The following TMEM132D variants were observed in gnomAD, a reference collection of about 807,000 sequenced individuals.
TMEM132D encodes the protein mature OL transmembrane protein.
In TMEM132D, 21 loss-of-function variants were observed where a neutral mutation model predicts 62.3. That is an observed-to-expected ratio of 0.34 (90% confidence interval 0.24 to 0.49). The LOEUF is 0.49. Ranked by LOEUF, TMEM132D falls within the 20% of genes least tolerant of loss-of-function variation. The pLI is 0.99. For synonymous variants in TMEM132D, 621 were observed against 575.6 expected (o/e 1.08, Z -1.13); for missense variants, 1,346 against 1,402.8 (o/e 0.96, Z 0.65).
chr12:129,090,052 A>G (rs1201908773), intron 5 of TMEM132D, among the ~76,000 whole-genome samples: 2 of 152,212 alleles, frequency 1.3e-5, no homozygotes, highest in African/African-American at 4.8e-5. Flanking sequence ...TTTCACCTTC[A>G]CGATGAGGCA....
At chr12:129,360,972 G>A (rs1362465740) in intron 3 of TMEM132D, among the ~76,000 whole-genome samples, 2 of 152,134 alleles carry the variant, frequency 1.3e-5, no homozygotes, top group Non-Finnish European at 2.9e-5. Context: ...GAATGGGAGC[G>A]CTCTTATCTA....
chr12:129,699,763 C>A (rs113904137), intron 2 of TMEM132D, 47 bp downstream of exon 2: 11 of 1,590,670 alleles, frequency 6.9e-6, no homozygotes, highest in Admixed American at 5.1e-5. Context: ...TGGAAAACAC[C>A]ACCTGATCGA....
intron 1 of TMEM132D, among the ~76,000 whole-genome samples, chr12:129,880,586 T>C (rs1192896726): frequency 6.6e-6 from 1 of 151,944 alleles, no homozygotes; most frequent in Non-Finnish European, 1.5e-5. Flanking sequence ...AAACCAAAAG[T>C]GGGAAAGAGG....
chr12:129,285,917 G>A (rs1881284023), intron 4 of TMEM132D, among the ~76,000 whole-genome samples: 1 of 152,128 alleles, frequency 6.6e-6, no homozygotes, highest in African/African-American at 2.4e-5. Context: ...GTCACAGTGT[G>A]TTGTCGTAAC....
chr12:129,619,376 T>C (rs1453597223), intron 2 of TMEM132D, among the ~76,000 whole-genome samples: 1 of 152,184 alleles, frequency 6.6e-6, no homozygotes, highest in African/African-American at 2.4e-5. Context: ...TTTATCACAC[T>C]GTGATAGCAG....
intron 1 of TMEM132D, among the ~76,000 whole-genome samples, chr12:129,773,256 G>A (rs1056569657): frequency 6.6e-6 from 1 of 152,222 alleles, no homozygotes; most frequent in African/African-American, 2.4e-5. Flanking sequence ...CAGGTGCGAG[G>A]GCGGCGGCAG....
intron 4 of TMEM132D, among the ~76,000 whole-genome samples, chr12:129,211,431 G>C (rs1410038690): frequency 6.6e-6 from 1 of 152,154 alleles, no homozygotes; most frequent in Non-Finnish European, 1.5e-5. Flanking sequence ...GTCATTTTGA[G>C]AGATGAGCTT....
chr12:129,796,257 G>T (rs1214292347), intron 1 of TMEM132D, among the ~76,000 whole-genome samples: 2 of 152,040 alleles, frequency 1.3e-5, no homozygotes, highest in Non-Finnish European at 2.9e-5. Context: ...TTTTTGGGGG[G>T]ATGATGAATG....
chr12:129,760,323 CTTTTTTTTTTTTT>C lies in TMEM132D; in HGVS notation c.80-59638_80-59626del, dbSNP rs71082753. Among the ~76,000 whole-genome samples, 385 of 115,476 alleles carry C rather than the reference CTTTTTTTTTTTTT, an allele frequency of 3.3e-3. 6 individuals carry two copies. The highest frequency in any genetic ancestry group is 0.013 in the African/African-American group (355 of 27,674). The allele number at this position is 115,476 out of a possible 152,430, so 75.8% of individuals were successfully genotyped here. On this transcript the variant is annotated intron_variant, in intron 1 of 8. Coordinates refer to ENST00000422113, the MANE Select transcript of TMEM132D (RefSeq NM_133448.3). ...AGACAGAAATGATGTAAGCCACTTTCTTTTTTTTTTTTTTTTTTTTTTTTTTGAGATGGAGTCT... is the reference window on the plus strand; with the variant it reads ...AGACAGAAATGATGTAAGCCACTTTCTTTTTTTTTTTTTGAGATGGAGTCT...
chr12:129,761,544 G>A (rs574078562), intron 1 of TMEM132D, among the ~76,000 whole-genome samples: 6 of 152,276 alleles, frequency 3.9e-5, no homozygotes, highest in South Asian at 2.1e-4. Flanking sequence ...GTTTTCTGGC[G>A]AAGGTCAGGC....
At chr12:129,197,136 T>C (rs1403860877) in intron 5 of TMEM132D, among the ~76,000 whole-genome samples, 3 of 152,210 alleles carry the variant, frequency 2.0e-5, no homozygotes, top group African/African-American at 4.8e-5. Flanking sequence ...ACTAACAAGA[T>C]GTAAATGAGT....
chr12:129,206,469 T>C (rs967500093), intron 5 of TMEM132D, among the ~76,000 whole-genome samples: 50 of 152,232 alleles, frequency 3.3e-4, no homozygotes, highest in Middle Eastern at 3.4e-3. Flanking sequence ...CTGGTGAGGT[T>C]GTGGAGAAAA....
intron 3 of TMEM132D, among the ~76,000 whole-genome samples, chr12:129,458,704 CG>C (rs1779431396): frequency 6.6e-6 from 1 of 152,142 alleles, no homozygotes; most frequent in African/African-American, 2.4e-5. Context: ...GGAATTCAGA[CG>C]GGGCCCCTAG....
chr12:129,513,936 T>C lies in TMEM132D; in HGVS notation c.1115+17123A>G, dbSNP rs777328001. ...GACTGCAAGCTCCGCCTCCCGGGTT[T>C]GTGCCATTCTCCTGCCTCAGCCTCC... On this transcript the variant is annotated intron_variant, in intron 3 of 8. Coordinates refer to ENST00000422113, the MANE Select transcript of TMEM132D (RefSeq NM_133448.3). Among the ~76,000 whole-genome samples the C allele has an allele frequency of 1.0e-3, 153 of 150,376 alleles. 1 individual carries two copies. In the Middle Eastern group the frequency reaches 0.025, roughly 25 times the overall value.
At chr12:129,819,229 C>CCT (rs201960311) in intron 1 of TMEM132D, among the ~76,000 whole-genome samples, 192 of 151,886 alleles carry the variant, frequency 1.3e-3, no homozygotes, top group African/African-American at 4.2e-3. Flanking sequence ...TTCTACCTAC[C>CCT]CCACAGTGCC....
chr12:129,748,209 C>T (rs747548390), intron 1 of TMEM132D, among the ~76,000 whole-genome samples: 1 of 152,136 alleles, frequency 6.6e-6, no homozygotes, highest in Admixed American at 6.5e-5. Flanking sequence ...GAGAATGATA[C>T]AAAAAGGCAT....
At chr12:129,648,593 C>A (rs1347229766) in intron 2 of TMEM132D, among the ~76,000 whole-genome samples, 1 of 152,210 alleles carries the variant, frequency 6.6e-6, no homozygotes, top group Non-Finnish European at 1.5e-5. Context: ...TTGTCACATA[C>A]ATTGCACATA....
chr12:129,411,943 TG>T (rs1228433790), intron 3 of TMEM132D, among the ~76,000 whole-genome samples: 1 of 152,258 alleles, frequency 6.6e-6, no homozygotes, highest in African/African-American at 2.4e-5. Flanking sequence ...TGAATAGGGT[TG>T]TTTAATCCTC....
At chr12:129,139,035 C>T (rs1876663250) in intron 5 of TMEM132D, among the ~76,000 whole-genome samples, 1 of 152,178 alleles carries the variant, frequency 6.6e-6, no homozygotes, top group Non-Finnish European at 1.5e-5. Flanking sequence ...TTAAAATCTT[C>T]CCTTCCCCCA....
Sources: gnomAD v4.1 joint callset for allele counts (sites outside exome capture counted in the v4.1 genomes callset) on GRCh38, gnomAD v4.1.1 for gene constraint, MANE v1.5 for transcripts, NCBI Gene and HGNC (gene_info 2026-07-23, HGNC 2026-07-21) for gene names.